The following TMCO4 variants were observed in gnomAD, a reference collection of about 807,000 sequenced individuals.
TMCO4 encodes transmembrane and coiled-coil domain-containing protein 4.
A neutral mutation model predicts 64.7 loss-of-function variants in TMCO4; 58 were observed. That is an observed-to-expected ratio of 0.90 (90% CI 0.73 to 1.12). The LOEUF is 1.12. Ranked by LOEUF, TMCO4 falls within the 50% of genes most tolerant of loss-of-function variation. TMCO4 has a pLI of 0.00. For synonymous variants in TMCO4, 325 were observed against 346.1 expected, an observed-to-expected ratio of 0.94 and a Z score of 0.68; for missense variants, 780 against 825.9, an observed-to-expected ratio of 0.94 and a Z score of 0.68.
At chr1:19,747,371 C>T in intron 7 of TMCO4, 111 bp from the exon 8 acceptor site, 1 of 940,588 alleles carries the variant, frequency 1.1e-6, no homozygotes, top group South Asian at 1.3e-5. Flanking sequence ...TACTCTGCCA[C>T]TCAGAGTAAG....
intron 14 of TMCO4, 130 bp from the exon 15 acceptor site, chr1:19,694,681 T>C (rs1394917088): frequency 4.0e-6 from 3 of 755,184 alleles, no homozygotes; most frequent in East Asian, 2.6e-5. Context: ...GGGCCCCTGA[T>C]TGCACGGTGG....
chr1:19,784,845 TAAAA>T (rs34693780), intron 3 of TMCO4, among the ~76,000 whole-genome samples: 1 of 97,870 alleles, frequency 1.0e-5, no homozygotes, highest in African/African-American at 4.1e-5. Context: ...GCTGATGCAC[TAAAA>T]AAAAAAAAAA....
intron 13 of TMCO4, among the ~76,000 whole-genome samples, chr1:19,701,548 C>A (rs1036481264): frequency 6.6e-6 from 1 of 152,162 alleles, no homozygotes; most frequent in African/African-American, 2.4e-5. Flanking sequence ...CCAACACAGC[C>A]TGGGTTGGAA....
chr1:19,723,680 T>C (rs2095396023), intron 13 of TMCO4, among the ~76,000 whole-genome samples: 1 of 152,224 alleles, frequency 6.6e-6, no homozygotes, highest in Non-Finnish European at 1.5e-5. Flanking sequence ...GCAGACCCTC[T>C]TGGTCTCCTT....
At chr1:19,741,072 G>A in intron 10 of TMCO4, 131 bp from the exon 11 acceptor site, 1 of 947,798 alleles carries the variant, frequency 1.1e-6, no homozygotes, top group Non-Finnish European at 1.5e-6. Flanking sequence ...CCCTGCCAAT[G>A]AGTGGCAGCT....
chr1:19,704,833 A>C (rs2095294005), intron 13 of TMCO4, among the ~76,000 whole-genome samples: 1 of 152,196 alleles, frequency 6.6e-6, no homozygotes, highest in Non-Finnish European at 1.5e-5. Flanking sequence ...TGAGACTCGT[A>C]GTTGAACCCC....
intron 15 of TMCO4, among the ~76,000 whole-genome samples, chr1:19,684,492 GCCCCTCTA>G (rs753534480): frequency 6.6e-6 from 1 of 152,108 alleles, no homozygotes; most frequent in African/African-American, 2.4e-5. Flanking sequence ...CCTTGGTCAA[GCCCCTCTA>G]CCCCTCTACC....
chr1:19,713,338 G>T (rs1427627283), intron 13 of TMCO4, among the ~76,000 whole-genome samples: 1 of 152,110 alleles, frequency 6.6e-6, no homozygotes, highest in African/African-American at 2.4e-5. Flanking sequence ...TGGGCAACAG[G>T]TTAAATCCAT....
intron 2 of TMCO4, among the ~76,000 whole-genome samples, chr1:19,792,493 AC>A (rs2044094000): frequency 6.6e-6 from 1 of 152,226 alleles, no homozygotes; most frequent in African/African-American, 2.4e-5. Context: ...ACAAGTACCC[AC>A]AGTAGGCACT....
intron 13 of TMCO4, among the ~76,000 whole-genome samples, chr1:19,712,452 C>T (rs1328134691): frequency 6.6e-6 from 1 of 151,828 alleles, no homozygotes; most frequent in Non-Finnish European, 1.5e-5. Flanking sequence ...AACCCTGTCT[C>T]TACTAAAAAT....
At chr1:19,777,661 G>A (rs546022310) in intron 4 of TMCO4, among the ~76,000 whole-genome samples, 3 of 152,294 alleles carry the variant, frequency 2.0e-5, no homozygotes, top group Admixed American at 2.0e-4. Context: ...AAAACCTCTT[G>A]AGGCACTGAA....
chr1:19,746,650 C>T (rs759468194), intron 8 of TMCO4, 51 bp from the exon 9 acceptor site: 13 of 1,564,046 alleles, frequency 8.3e-6, no homozygotes, highest in African/African-American at 4.0e-5. Context: ...GGTGGCTGGA[C>T]GCGGTGGCTC....
rs2095255516 is a variant in TMCO4, at chr1:19,699,193, T to C, written c.1382+1575A>G. ...CCTGGGTGACAATGTGAGACTCCGT[T>C]TCAAAAAAAAAAAAAGGCATGTGCT... On this transcript the variant is annotated intron_variant, in intron 14 of 15. Coordinates refer to ENST00000294543, the MANE Select transcript of TMCO4 (RefSeq NM_181719.7). Among the ~76,000 whole-genome samples, 2 of 150,756 alleles carry C rather than the reference T, an allele frequency of 1.3e-5. 1 individual carries two copies. Among genetic ancestry groups the C allele is most frequent in the African/African-American group, 4.9e-5 (2 of 40,854 alleles).
At chr1:19,782,190 C>T (rs2043524077) in intron 3 of TMCO4, among the ~76,000 whole-genome samples, 1 of 152,166 alleles carries the variant, frequency 6.6e-6, no homozygotes, top group South Asian at 2.1e-4. Context: ...GATAAATGGT[C>T]ATATTCATAC....
intron 13 of TMCO4, among the ~76,000 whole-genome samples, chr1:19,717,569 C>A (rs1235526881): frequency 6.6e-6 from 1 of 152,240 alleles, no homozygotes; most frequent in Admixed American, 6.5e-5. Flanking sequence ...TTTCTCACAA[C>A]TTCCTGGCAG....
intron 13 of TMCO4, among the ~76,000 whole-genome samples, chr1:19,701,422 T>A (rs1433623864): frequency 6.6e-6 from 1 of 152,238 alleles, no homozygotes; most frequent in Non-Finnish European, 1.5e-5. Context: ...TCCACCCGCC[T>A]TGGCCTCCCA....
chr1:19,737,983 G>A (rs2095463229), intron 12 of TMCO4, among the ~76,000 whole-genome samples: 1 of 152,236 alleles, frequency 6.6e-6, no homozygotes, highest in South Asian at 2.1e-4. Flanking sequence ...AGATAAGGTA[G>A]TAAGTCAGAT....
chr1:19,755,284 C>A (rs2042195418), intron 7 of TMCO4, among the ~76,000 whole-genome samples: 2 of 152,210 alleles, frequency 1.3e-5, no homozygotes, highest in African/African-American at 2.4e-5. Flanking sequence ...TGCCAGCGTG[C>A]CCGGCTAATT....
intron 3 of TMCO4, among the ~76,000 whole-genome samples, chr1:19,784,802 G>C (rs965364247): frequency 7.3e-6 from 1 of 136,480 alleles, no homozygotes; most frequent in Non-Finnish European, 1.5e-5. Flanking sequence ...ATTGGTTTGG[G>C]CCACACATGA....
Sources: allele counts gnomAD v4.1 joint callset (sites outside exome capture counted in the v4.1 genomes callset), GRCh38; gene constraint gnomAD v4.1.1; transcripts MANE v1.5; gene names NCBI Gene and HGNC (gene_info 2026-07-23, HGNC 2026-07-21).